The following EFR3B variants were observed in gnomAD, a reference collection of about 807,000 sequenced individuals.
EFR3B encodes the protein EFR3 homolog B, also known as protein EFR3 homolog B.
Under a neutral mutation model 104.7 loss-of-function variants are expected in EFR3B, and 64 were observed. That is an observed-to-expected ratio of 0.61 (90% CI 0.50 to 0.75). EFR3B has a LOEUF of 0.75. Among genes scored for constraint, EFR3B ranks in the 30% least tolerant of loss-of-function variants. The pLI is 0.00. For missense variants in EFR3B, 750 were observed against 1,078.5 expected, an observed-to-expected ratio of 0.70 and a Z score of 4.27; for synonymous variants, 385 against 417.9, an observed-to-expected ratio of 0.92 and a Z score of 0.96.
At chr2:25,140,978 C>G (rs1670649359) in intron 16 of EFR3B, among the ~76,000 whole-genome samples, 1 of 145,726 alleles carries the variant, frequency 6.9e-6, no homozygotes, top group Non-Finnish European at 1.5e-5. Context: ...GAGGTGGAGG[C>G]TGCTGTGAGC....
chr2:25,053,352 G>A (rs1202751035), intron 1 of EFR3B, among the ~76,000 whole-genome samples: 2 of 152,226 alleles, frequency 1.3e-5, no homozygotes, highest in Non-Finnish European at 2.9e-5. Flanking sequence ...ACAGGCCAGA[G>A]AGTAGGCTGA....
At chr2:25,072,689 C>G (rs1310800007) in intron 1 of EFR3B, among the ~76,000 whole-genome samples, 1 of 152,168 alleles carries the variant, frequency 6.6e-6, no homozygotes, top group East Asian at 1.9e-4. Context: ...GCTACCCTTC[C>G]TAATAAACCA....
intron 10 of EFR3B, 151 bp from the exon 11 acceptor site, chr2:25,132,752 G>A (rs547531464): frequency 1.7e-5 from 11 of 651,842 alleles, no homozygotes; most frequent in African/African-American, 9.1e-5. Context: ...TGGAGAGGCC[G>A]AATCACACCC....
intron 4 of EFR3B, among the ~76,000 whole-genome samples, chr2:25,112,977 T>A (rs1302115959): frequency 1.5e-5 from 2 of 129,206 alleles, no homozygotes; most frequent in African/African-American, 2.6e-5. Context: ...AAGGCCAATC[T>A]TTGGAGCTTT....
At chr2:25,142,341 G>A (rs557359524) in intron 17 of EFR3B, among the ~76,000 whole-genome samples, 5 of 151,806 alleles carry the variant, frequency 3.3e-5, no homozygotes, top group East Asian at 3.9e-4. Context: ...TACTCTACTC[G>A]GGAGGCTGAG....
chr2:25,124,736 C>CT (rs1558611789), intron 5 of EFR3B, among the ~76,000 whole-genome samples: 1 of 45,794 alleles, frequency 2.2e-5, no homozygotes, highest in Non-Finnish European at 3.8e-5. Flanking sequence ...GAGACTCTGT[C>CT]TCAAAAAAAA....
intron 20 of EFR3B, among the ~76,000 whole-genome samples, 193 bp from the exon 21 acceptor site, chr2:25,151,721 C>G (rs953066188): frequency 4.6e-5 from 7 of 152,246 alleles, no homozygotes; most frequent in Non-Finnish European, 1.0e-4. Flanking sequence ...GAAGGCTGAG[C>G]CCTCAGGCAG....
At chr2:25,067,510 C>T (rs1036279688) in intron 1 of EFR3B, among the ~76,000 whole-genome samples, 4 of 151,666 alleles carry the variant, frequency 2.6e-5, no homozygotes, top group Non-Finnish European at 5.9e-5. Context: ...TCTCGGCTCA[C>T]TGCAACCTCC....
intron 4 of EFR3B, among the ~76,000 whole-genome samples, chr2:25,117,449 A>C (rs1037192780): frequency 1.1e-5 from 1 of 93,780 alleles, no homozygotes; most frequent in African/African-American, 4.2e-5. Flanking sequence ...TTTTGCTCTT[A>C]TTACCCAGGC....
intron 4 of EFR3B, among the ~76,000 whole-genome samples, chr2:25,120,449 T>G (rs1669981553): frequency 6.6e-6 from 1 of 151,796 alleles, no homozygotes. Context: ...ATCGAGACCA[T>G]CCTGGCCAAC....
rs1395107267 is a variant in EFR3B at position 25,158,218 on chromosome 2, CTA to C, written c.*3880_*3881del. On this transcript the variant is annotated 3_prime_UTR_variant, in exon 23 of 23. Transcript: ENST00000403714. ...CAGAGAGTGCCCTGCAGAAGTGAGT[CTA>C]TTTTTCCCAATTCCTCTTCATGACC... 2 of 152,314 alleles carry C rather than the reference CTA, an allele frequency of 1.3e-5. No individual in the cohort carries two copies. Among genetic ancestry groups the C allele is most frequent in the South Asian group, 4.1e-4 (2 of 4,834 alleles). 9.4% of individuals were successfully genotyped at this position (152,314 alleles called of 1,614,324 possible).
chr2:25,138,557 GGCCAGCC>G lies in EFR3B; in HGVS notation c.1723-501_1723-495del, dbSNP rs561949211. On this transcript the variant is annotated intron_variant, in intron 15 of 22. Transcript: ENST00000403714. The stretch of plus-strand genomic sequence containing the variant: ...TGTCTGTTGGTGCTAAATCCTGCAG[GGCCAGCC>G]TAGATGCTATAATTTTTAAATTCTG... 2.2e-3 allele frequency among the ~76,000 whole-genome samples: 333 copies of G among 152,262 alleles called. 5 individuals are homozygous for G. The highest frequency in any genetic ancestry group is 1.7e-3 in the Non-Finnish European group (117 of 68,018).
intron 3 of EFR3B, 102 bp downstream of exon 3, chr2:25,093,232 C>T (rs922559380): frequency 2.5e-5 from 35 of 1,426,074 alleles, no homozygotes; most frequent in Admixed American, 9.5e-5. Flanking sequence ...GAGTGGCTCA[C>T]GCCTGTAATC....
intron 1 of EFR3B, among the ~76,000 whole-genome samples, chr2:25,079,351 A>G (rs1344230992): frequency 6.6e-6 from 1 of 152,178 alleles, no homozygotes; most frequent in Non-Finnish European, 1.5e-5. Flanking sequence ...TGTTAGAGAT[A>G]TATTTTTTGG....
rs143252725 is a variant in EFR3B at position 25,130,319 on chromosome 2, C to T, written c.770+210C>T. Among the ~76,000 whole-genome samples, 118 of 152,342 alleles carry T rather than the reference C, an allele frequency of 7.7e-4. No homozygotes were observed. The highest frequency in any genetic ancestry group is 2.6e-3 in the African/African-American group (107 of 41,576). ...CTGCTGCCAGTAGGAAGGCACCCAA[C>T]GCTAAGCAAAGGTGCCCAGCTTCAC... On this transcript the variant is annotated intron_variant, in intron 7 of 22. Coordinates refer to ENST00000403714, the MANE Select transcript of EFR3B (RefSeq NM_014971.2). This position sits in a 1 kb window ranked among gnomAD's most constrained non-coding sequence, Gnocchi z 4.6.
intron 1 of EFR3B, among the ~76,000 whole-genome samples, chr2:25,067,705 GTA>G (rs1384266483): frequency 2.0e-5 from 3 of 152,120 alleles, no homozygotes; most frequent in Non-Finnish European, 4.4e-5. Flanking sequence ...TGAATTAACA[GTA>G]TGTTTGAGAG....
intron 1 of EFR3B, chr2:25,080,044 T>A (rs1668747489): frequency 2.3e-6 from 2 of 878,966 alleles, no homozygotes; most frequent in African/African-American, 1.7e-5. Context: ...CTCGGTGCCT[T>A]AGCATCATCA....
At chr2:25,147,976 G>C (rs1298097255) in intron 19 of EFR3B, 2 of 128,012 alleles carry the variant, frequency 1.6e-5, no homozygotes, top group Non-Finnish European at 3.1e-5. Flanking sequence ...AGTGAGCTGA[G>C]ATCATACCAT....
rs542835886 is a variant in EFR3B, at chr2:25,108,830, C to T, written c.363+5043C>T. ...CCTGGCCAACATTATGAAACCCCAT[C>T]TCTACTAAAAATACAAAATTCAGCC... On this transcript the variant is annotated intron_variant, in intron 4 of 22. Transcript: ENST00000403714. 8.7e-4 allele frequency among the ~76,000 whole-genome samples: 132 copies of T among 152,122 alleles called. 1 individual carries two copies. In the South Asian group the frequency reaches 0.026, roughly 30 times the overall value.
Sources: gnomAD v4.1 joint callset for allele counts (sites outside exome capture counted in the v4.1 genomes callset) on GRCh38, gnomAD v4.1.1 for gene constraint, Gnocchi (gnomAD v3.1) non-coding constraint, MANE v1.5 for transcripts, NCBI Gene and HGNC (gene_info 2026-07-23, HGNC 2026-07-21) for gene names.